SHB: variants seen among roughly 807,000 people sequenced by gnomAD.
SHB encodes the protein SH2 domain containing adaptor protein B.
SHB carries 20 observed loss-of-function variants against 52.3 expected under a neutral mutation model. That is an observed-to-expected ratio of 0.38 (90% CI 0.27 to 0.56). The LOEUF is 0.56. Ranked by LOEUF, SHB falls within the 20% of genes least tolerant of loss-of-function variation. The pLI, the probability that SHB is intolerant of heterozygous loss-of-function variation, is 0.71. For synonymous variants in SHB, 397 were observed against 316.5 expected (o/e 1.25, Z -2.70); for missense variants, 825 against 723.3 (o/e 1.14, Z -1.61).
chr9:37,921,964 C>T (rs1036040410), intron 5 of SHB, among the ~76,000 whole-genome samples: 3 of 152,208 alleles, frequency 2.0e-5, no homozygotes, highest in South Asian at 2.1e-4. Context: ...TGTGGAAGGG[C>T]GAGAGAGCAG....
chr9:38,059,255 G>T (rs1317921856), intron 1 of SHB, among the ~76,000 whole-genome samples: 1 of 18,776 alleles, frequency 5.3e-5, no homozygotes, highest in Non-Finnish European at 2.1e-4. Flanking sequence ...CCACCCACCT[G>T]TCGAGTCACT....
At chr9:38,015,814 GTTTTTTTCCTAA>G (rs1564102360) in intron 2 of SHB, among the ~76,000 whole-genome samples, 185 bp downstream of exon 2, 1 of 152,198 alleles carries the variant, frequency 6.6e-6, no homozygotes, top group Admixed American at 6.5e-5. Flanking sequence ...TGCCCGGCCA[GTTTTTTTCCTAA>G]TATAGGTGAA....
intron 1 of SHB, among the ~76,000 whole-genome samples, chr9:38,052,694 T>C (rs1821766455): frequency 6.6e-6 from 1 of 152,040 alleles, no homozygotes; most frequent in South Asian, 2.1e-4. Context: ...GACATACAGG[T>C]GTCCCTAAAG....
At chr9:38,044,571 T>A (rs904218571) in intron 1 of SHB, among the ~76,000 whole-genome samples, 2 of 152,190 alleles carry the variant, frequency 1.3e-5, no homozygotes, top group Admixed American at 6.5e-5. Context: ...CACCTGCCAC[T>A]GAGGAGAATC....
At chr9:37,923,450 C>T (rs1359677900) in intron 5 of SHB, among the ~76,000 whole-genome samples, 1 of 152,198 alleles carries the variant, frequency 6.6e-6, no homozygotes, top group Non-Finnish European at 1.5e-5. Context: ...GTGACCGCCC[C>T]CCCAGGGGTC....
At chr9:37,923,664 G>T (rs928600378) in intron 5 of SHB, among the ~76,000 whole-genome samples, 1 of 152,232 alleles carries the variant, frequency 6.6e-6, no homozygotes, top group African/African-American at 2.4e-5. Context: ...AAAAGGAGAC[G>T]CGAGCATGAG....
At chr9:38,029,041 T>C (rs888188691) in intron 1 of SHB, among the ~76,000 whole-genome samples, 2 of 152,096 alleles carry the variant, frequency 1.3e-5, no homozygotes, top group African/African-American at 4.8e-5. Context: ...CCTGGAGCTT[T>C]CCCTTCATGG....
chr9:37,966,733 A>AGGT (rs1005601083), intron 3 of SHB, among the ~76,000 whole-genome samples: 6 of 152,162 alleles, frequency 3.9e-5, no homozygotes, highest in African/African-American at 1.4e-4. Flanking sequence ...TGGCTAGGAC[A>AGGT]GGTGGTGGTG....
In SHB at chr9:37,998,862, A is replaced by G. The variant is rs76709463; in HGVS notation, c.838+17149T>C. 3.6e-3 allele frequency among the ~76,000 whole-genome samples: 543 copies of G among 152,354 alleles called. 6 individuals are homozygous for G. Among genetic ancestry groups the G allele is most frequent in the African/African-American group, 0.012 (518 of 41,580 alleles). On this transcript the variant is annotated intron_variant, in intron 2 of 5. Coordinates refer to ENST00000377707, the MANE Select transcript of SHB (RefSeq NM_003028.3). ...TCAAAGGCAAGGATGAGATGGAAGC[A>G]GAGGAAAGGCCCATTTTTCATCCAG... is the stretch of plus-strand genomic sequence containing the variant.
chr9:37,965,119 A>G (rs549645907), intron 3 of SHB, among the ~76,000 whole-genome samples: 3 of 152,366 alleles, frequency 2.0e-5, no homozygotes, highest in South Asian at 2.1e-4. Flanking sequence ...CTCCCTGTCC[A>G]TAAGACCCAA....
chr9:37,986,195 C>T (rs1820805189), intron 2 of SHB, among the ~76,000 whole-genome samples: 1 of 152,156 alleles, frequency 6.6e-6, no homozygotes, highest in African/African-American at 2.4e-5. Context: ...CCTGGTGTCA[C>T]AAACAGCGAG....
At chr9:37,920,239 C>A (rs1247769029) in intron 5 of SHB, among the ~76,000 whole-genome samples, 1 of 152,090 alleles carries the variant, frequency 6.6e-6, no homozygotes, top group Non-Finnish European at 1.5e-5. Flanking sequence ...TACAAGAGAG[C>A]ATTCCAACAC....
chr9:38,041,427 G>A (rs539488887), intron 1 of SHB, among the ~76,000 whole-genome samples: 141 of 152,318 alleles, frequency 9.3e-4, no homozygotes, highest in Non-Finnish European at 1.7e-3. Flanking sequence ...TGGGGCAAGA[G>A]GGAGACTGCG....
At chr9:38,064,815 C>T (rs1337020514) in intron 1 of SHB, among the ~76,000 whole-genome samples, 2 of 152,198 alleles carry the variant, frequency 1.3e-5, no homozygotes, top group African/African-American at 2.4e-5. Context: ...TAGAGTAAGG[C>T]TAGTTTCTCT....
chr9:37,941,543 G>A (rs887263489), intron 5 of SHB, among the ~76,000 whole-genome samples: 7 of 152,218 alleles, frequency 4.6e-5, no homozygotes, highest in African/African-American at 1.7e-4. Context: ...CAGGAGCTCA[G>A]GGCCCCTGCA....
intron 1 of SHB, among the ~76,000 whole-genome samples, chr9:38,023,707 C>T (rs969421958): frequency 6.6e-6 from 1 of 152,182 alleles, no homozygotes; most frequent in Non-Finnish European, 1.5e-5. Flanking sequence ...CTAGTTGGGG[C>T]ACCTGGCAAA....
chr9:37,935,925 GAA>G (rs71896998), intron 5 of SHB, among the ~76,000 whole-genome samples: 2 of 148,358 alleles, frequency 1.3e-5, no homozygotes, highest in Non-Finnish European at 3.0e-5. Context: ...CCTCATTAAA[GAA>G]AAAAAAAATC....
intron 3 of SHB, among the ~76,000 whole-genome samples, chr9:37,974,221 A>T (rs1820625604): frequency 6.6e-6 from 1 of 152,160 alleles, no homozygotes; most frequent in African/African-American, 2.4e-5. Flanking sequence ...GCATCACTGC[A>T]CTCCAGCCTG....
intron 1 of SHB, among the ~76,000 whole-genome samples, chr9:38,038,399 C>T (rs1048724907): frequency 2.0e-5 from 3 of 152,178 alleles, no homozygotes; most frequent in Non-Finnish European, 4.4e-5. Flanking sequence ...CCTTCCCTAA[C>T]ACCCAGGGAG....
Sources: gnomAD v4.1 joint callset for allele counts (sites outside exome capture counted in the v4.1 genomes callset) on GRCh38, gnomAD v4.1.1 for gene constraint, MANE v1.5 for transcripts, NCBI Gene and HGNC (gene_info 2026-07-23, HGNC 2026-07-21) for gene names.